The following SGCZ variants were observed in gnomAD, a reference collection of about 807,000 sequenced individuals.
SGCZ encodes the protein zeta-sarcoglycan.
A neutral mutation model predicts 41.3 loss-of-function variants in SGCZ; 40 were observed. The observed-to-expected ratio is 0.97, with a 90% CI of 0.75 to 1.26. The LOEUF (loss-of-function observed/expected upper bound fraction) is 1.26, where lower values mean the gene tolerates loss of function less well. Among genes scored for constraint, SGCZ ranks in the 50% most tolerant of loss-of-function variants. The pLI, the probability that SGCZ is intolerant of heterozygous loss-of-function variation, is 0.00. For missense variants in SGCZ, 552 were observed against 369.8 expected, an observed-to-expected ratio of 1.49 and a Z score of -4.04; for synonymous variants, 206 against 137.5, an observed-to-expected ratio of 1.50 and a Z score of -3.49.
At chr8:14,490,851 T>C (rs1177039721) in intron 2 of SGCZ, among the ~76,000 whole-genome samples, 1 of 152,194 alleles carries the variant, frequency 6.6e-6, no homozygotes, top group East Asian at 1.9e-4. Context: ...CAGGTCATTC[T>C]TGAGACAGAA....
At chr8:14,889,292 C>CAA (rs200190975) in intron 1 of SGCZ, among the ~76,000 whole-genome samples, 28 of 135,350 alleles carry the variant, frequency 2.1e-4, no homozygotes, top group South Asian at 1.9e-3. Flanking sequence ...GAAGACTGAC[C>CAA]AAAAAAAAAA....
intron 1 of SGCZ, among the ~76,000 whole-genome samples, chr8:14,668,094 T>G (rs1475956757): frequency 6.6e-6 from 1 of 152,014 alleles, no homozygotes; most frequent in African/African-American, 2.4e-5. Flanking sequence ...GTGGCTGGGA[T>G]TACAGGCACC....
chr8:14,408,257 G>T (rs1385457680), intron 2 of SGCZ, among the ~76,000 whole-genome samples: 2 of 152,120 alleles, frequency 1.3e-5, no homozygotes, highest in Admixed American at 1.3e-4. Context: ...TTTGGTCTTT[G>T]CAGAATCACC....
At chr8:14,729,965 A>G (rs1810181446) in intron 1 of SGCZ, among the ~76,000 whole-genome samples, 1 of 152,098 alleles carries the variant, frequency 6.6e-6, no homozygotes, top group Non-Finnish European at 1.5e-5. Context: ...CAGTCCTCTA[A>G]TCCCACCTAC....
rs934932471 is a variant in SGCZ, at chr8:14,320,523, G to A, written c.336+3580C>T. Among the ~76,000 whole-genome samples, 9 of 151,864 alleles carry A rather than the reference G, an allele frequency of 5.9e-5. No homozygotes were observed. In the South Asian group the frequency reaches 6.2e-4, roughly 11 times the overall value. On this transcript the variant is annotated intron_variant, in intron 3 of 7. Transcript: ENST00000382080. ...GGTGCACAATGTGCAAGTTTGTTAC[G>A]TATGTATACAGCTTTTTGTCTGAAT...
rs755823610 is a variant in SGCZ, at chr8:15,049,609, T to C, written c.39+187976A>G. 3.9e-5 allele frequency among the ~76,000 whole-genome samples: 6 copies of C among 152,264 alleles called. No homozygotes were observed. The East Asian group carries it at 1.2e-3, about 29-fold the overall frequency. On this transcript the variant is annotated intron_variant, in intron 1 of 7. Transcript: ENST00000382080. ...TAGGCAGAGATATGTACTGCCACCA[T>C]GCGCAGCTAGGTAAGTTATGCAGTG...
intron 2 of SGCZ, among the ~76,000 whole-genome samples, chr8:14,482,814 C>T (rs1054736725): frequency 2.6e-5 from 4 of 151,840 alleles, no homozygotes. Context: ...TGTCTCCTGC[C>T]CTTGGACTAG....
chr8:14,720,499 C>T (rs868117557), intron 1 of SGCZ, among the ~76,000 whole-genome samples: 35 of 152,210 alleles, frequency 2.3e-4, no homozygotes, highest in African/African-American at 8.2e-4. Flanking sequence ...CCTGTTACAG[C>T]TCATCATTAA....
intron 2 of SGCZ, among the ~76,000 whole-genome samples, chr8:14,461,993 A>G (rs934080160): frequency 2.6e-5 from 4 of 152,088 alleles, no homozygotes; most frequent in African/African-American, 9.7e-5. Flanking sequence ...AAAGACTTTC[A>G]AAAATTTACC....
intron 1 of SGCZ, among the ~76,000 whole-genome samples, chr8:14,650,080 G>C (rs549316712): frequency 1.1e-4 from 16 of 152,184 alleles, no homozygotes; most frequent in Non-Finnish European, 2.2e-4. Context: ...ATAATTCTCA[G>C]GGGTTTGACT....
chr8:15,196,322 T>G (rs1800730515), intron 1 of SGCZ, among the ~76,000 whole-genome samples: 2 of 152,230 alleles, frequency 1.3e-5, no homozygotes, highest in African/African-American at 2.4e-5. Context: ...AAACTGGATT[T>G]GACAATCTCC....
At chr8:14,938,426 A>C (rs942736320) in intron 1 of SGCZ, among the ~76,000 whole-genome samples, 6 of 152,186 alleles carry the variant, frequency 3.9e-5, no homozygotes, top group African/African-American at 1.4e-4. Flanking sequence ...ATGAAGATGA[A>C]GACATTTATG....
chr8:15,001,586 G>C, intron 1 of SGCZ, among the ~76,000 whole-genome samples: 1 of 151,834 alleles, frequency 6.6e-6, no homozygotes, highest in African/African-American at 2.4e-5. Context: ...AAAATAAGCC[G>C]GACATGTTGG....
intron 1 of SGCZ, among the ~76,000 whole-genome samples, chr8:14,599,092 A>G (rs1045896425): frequency 6.6e-6 from 1 of 152,116 alleles, no homozygotes; most frequent in South Asian, 2.1e-4. Flanking sequence ...CAGCATGATC[A>G]TATGCAAAAC....
intron 5 of SGCZ, among the ~76,000 whole-genome samples, chr8:14,151,743 T>C (rs1010633915): frequency 1.3e-5 from 2 of 152,118 alleles, no homozygotes; most frequent in East Asian, 1.9e-4. Context: ...AGCTGTGATA[T>C]TGTCAGAAAG....
chr8:14,218,862 G>A (rs1461056432), intron 4 of SGCZ, among the ~76,000 whole-genome samples: 2 of 152,250 alleles, frequency 1.3e-5, no homozygotes, highest in Middle Eastern at 3.4e-3. Context: ...GAACCTTGGC[G>A]ATGAGGACTT....
intron 1 of SGCZ, among the ~76,000 whole-genome samples, chr8:14,708,189 T>C (rs1809392076): frequency 6.6e-6 from 1 of 152,008 alleles, no homozygotes; most frequent in South Asian, 2.1e-4. Flanking sequence ...TTGTCTACAA[T>C]AATTTTTAAA....
chr8:14,549,876 A>C (rs1442420201), intron 2 of SGCZ, among the ~76,000 whole-genome samples: 1 of 152,042 alleles, frequency 6.6e-6, no homozygotes, highest in East Asian at 1.9e-4. Context: ...CTTAGGAGGT[A>C]ACAAGTTAGT....
rs143636124 is a variant in SGCZ at position 15,015,354 on chromosome 8, T to C, written c.39+222231A>G. Among the ~76,000 whole-genome samples the C allele has an allele frequency of 8.9e-3, 1,352 of 152,270 alleles. 11 individuals carry two copies. Among genetic ancestry groups the C allele is most frequent in the South Asian group, 0.021 (99 of 4,828 alleles). On this transcript the variant is annotated intron_variant, in intron 1 of 7. Transcript: ENST00000382080. Reference sequence around the variant, plus strand: ...ATGATAGATGGATTATTTATGAATGTCTGAAAAACACTGTAAAATAAGACA... The same window carrying C: ...ATGATAGATGGATTATTTATGAATGCCTGAAAAACACTGTAAAATAAGACA...
Sources: allele counts gnomAD v4.1 joint callset (sites outside exome capture counted in the v4.1 genomes callset), GRCh38; gene constraint gnomAD v4.1.1; transcripts MANE v1.5; gene names NCBI Gene and HGNC (gene_info 2026-07-23, HGNC 2026-07-21).